The following ZNF469 variants were observed in gnomAD, a reference collection of about 807,000 sequenced individuals.
ZNF469 encodes zinc finger protein 469.
Under a neutral mutation model 1.0 loss-of-function variants are expected in ZNF469, and 1 was observed. The observed-to-expected ratio is 1.00, with a 90% CI of 0.35 to 4.73. The LOEUF is 4.73. ZNF469 is among the 30% of genes most tolerant of loss of function. The pLI is 0.16. For missense variants in ZNF469, 6,100 were observed against 5,356.3 expected (o/e 1.14, Z -4.33); for synonymous variants, 2,703 against 2,363.4 (o/e 1.14, Z -4.17).
At chr16:88,162,540 T>C in the ZNF469 span, among the ~76,000 whole-genome samples, 2 of 152,222 alleles carry the variant, frequency 1.3e-5, no homozygotes, top group African/African-American at 4.8e-5. Flanking sequence ...TCTATTGAAA[T>C]AATTTATTTT....
chr16:88,347,786 G>A, the ZNF469 span, among the ~76,000 whole-genome samples: 3 of 152,184 alleles, frequency 2.0e-5, no homozygotes, highest in East Asian at 5.8e-4. Flanking sequence ...CTCAAGTCCT[G>A]GGCCACGCCC....
At chr16:88,364,567 A>G in the ZNF469 span, among the ~76,000 whole-genome samples, 1 of 152,000 alleles carries the variant, frequency 6.6e-6, no homozygotes, top group Non-Finnish European at 1.5e-5. Flanking sequence ...CAATCTGAGA[A>G]GAATCAACGT....
the ZNF469 span, among the ~76,000 whole-genome samples, chr16:88,243,951 T>TATAC: frequency 8.3e-6 from 1 of 120,776 alleles, no homozygotes; most frequent in Non-Finnish European, 1.7e-5. Flanking sequence ...TATATATATA[T>TATAC]AAATGTATGT....
At chr16:88,373,991 CTT>C in the ZNF469 span, among the ~76,000 whole-genome samples, 2 of 150,034 alleles carry the variant, frequency 1.3e-5, no homozygotes, top group Non-Finnish European at 3.0e-5. Context: ...CAGAGTGAGA[CTT>C]TGTCTAAAAT....
intron 1 of ZNF469, among the ~76,000 whole-genome samples, chr16:88,384,625 A>G (rs936801550): frequency 6.6e-6 from 1 of 152,120 alleles, no homozygotes; most frequent in African/African-American, 2.4e-5. Flanking sequence ...GAGGAAGAGG[A>G]TATCTGAGGC....
the ZNF469 span, among the ~76,000 whole-genome samples, chr16:88,116,632 C>T: frequency 3.9e-5 from 6 of 152,202 alleles, no homozygotes; most frequent in South Asian, 2.1e-4. Context: ...CACCACGGAA[C>T]GCTACTCAGC....
At chr16:88,173,099 C>T in the ZNF469 span, among the ~76,000 whole-genome samples, 1 of 152,086 alleles carries the variant, frequency 6.6e-6, no homozygotes, top group Non-Finnish European at 1.5e-5. Context: ...AAAGTATAAA[C>T]CCACAGATCT....
At chr16:88,121,752 G>A in the ZNF469 span, among the ~76,000 whole-genome samples, 8 of 152,254 alleles carry the variant, frequency 5.3e-5, no homozygotes, top group Admixed American at 4.6e-4. Flanking sequence ...CCGCACTGCA[G>A]AGTTCTGATA....
rs1423625981 is a variant in ZNF469 at position 88,430,764 on chromosome 16, C to T, written c.3294C>T (p.Ser1098=). ...GCGAGTACGACTTCGCCTCGGAGTC[C>T]GAGGAGGACGAGCAGCCTCCGCCGC... ...RLREYDFASE[S]EEDEQPPPRG... The change falls in exon 3 of 3, where the codon TCC becomes TCT. Residue 1098 remains serine, a synonymous_variant. Transcript: ENST00000565624. 4.0e-6 allele frequency: 6 copies of T among 1,517,000 alleles called. No individual in the cohort carries two copies. The highest frequency in any genetic ancestry group is 5.3e-6 in the Non-Finnish European group (6 of 1,139,794). 94.0% of individuals were successfully genotyped at this position (1,517,000 alleles called of 1,614,324 possible). A position where few individuals can be genotyped will look rare whatever the true frequency, so the allele number is the denominator to read the frequency against.
At chr16:88,105,869 G>C in the ZNF469 span, among the ~76,000 whole-genome samples, 306 of 152,344 alleles carry the variant, frequency 2.0e-3, 1 homozygote, top group African/African-American at 7.0e-3. Flanking sequence ...CCAGAAGTCA[G>C]GGTGGCCACA....
At chr16:88,378,674 G>C (rs2092514670), upstream of ZNF469, among the ~76,000 whole-genome samples, 1 of 152,222 alleles carries the variant, frequency 6.6e-6, no homozygotes, top group Admixed American at 6.5e-5. Context: ...CCCTGAACTA[G>C]GGAGAGGGTG....
At chr16:88,287,607 A>G in the ZNF469 span, among the ~76,000 whole-genome samples, 22,762 of 152,206 alleles carry the variant, frequency 0.15, 4,245 homozygotes, top group African/African-American at 0.44. Context: ...AATACACATC[A>G]CTTAAAGCCT....
the ZNF469 span, among the ~76,000 whole-genome samples, chr16:88,294,300 C>G: frequency 6.6e-6 from 1 of 152,210 alleles, no homozygotes; most frequent in Non-Finnish European, 1.5e-5. Flanking sequence ...ATCCTACCTC[C>G]TGCCCTGTGC....
the ZNF469 span, among the ~76,000 whole-genome samples, chr16:88,359,485 G>C: frequency 1.3e-5 from 2 of 152,242 alleles, no homozygotes; most frequent in Admixed American, 1.3e-4. Flanking sequence ...CATTTGGTTT[G>C]TGTGGGAAGG....
the ZNF469 span, among the ~76,000 whole-genome samples, chr16:88,120,625 G>A: frequency 0.087 from 13,266 of 152,252 alleles, 929 homozygotes; most frequent in East Asian, 0.23. Flanking sequence ...CCTGTCCACG[G>A]AGCATGCAGA....
chr16:88,397,810 G>C (rs1904734893), intron 1 of ZNF469, among the ~76,000 whole-genome samples: 1 of 152,152 alleles, frequency 6.6e-6, no homozygotes, highest in African/African-American at 2.4e-5. Context: ...CCCCTCCCTG[G>C]ATGGCCTCTG....
chr16:88,298,003 C>G, the ZNF469 span, among the ~76,000 whole-genome samples: 1 of 152,186 alleles, frequency 6.6e-6, no homozygotes, highest in Admixed American at 6.5e-5. Context: ...CAGGGCGAGT[C>G]GATTCCTGCA....
At chr16:88,398,568 C>T (rs1372438234) in intron 1 of ZNF469, among the ~76,000 whole-genome samples, 2 of 122,774 alleles carry the variant, frequency 1.6e-5, no homozygotes, top group Non-Finnish European at 3.4e-5. Context: ...AATGCGCGAG[C>T]CACAGACAAA....
the ZNF469 span, among the ~76,000 whole-genome samples, chr16:88,207,634 C>T: frequency 1.3e-5 from 2 of 151,326 alleles, no homozygotes; most frequent in Non-Finnish European, 2.9e-5. Flanking sequence ...CTCCCCTAGA[C>T]ATAACCAAGG....
Sources: allele counts gnomAD v4.1 joint callset (sites outside exome capture counted in the v4.1 genomes callset), GRCh38; gene constraint gnomAD v4.1.1; transcripts MANE v1.5; gene names NCBI Gene and HGNC (gene_info 2026-07-23, HGNC 2026-07-21).